CNTNAP2: variants seen among roughly 807,000 people sequenced by gnomAD.
CNTNAP2 encodes contactin-associated protein-like 2.
In CNTNAP2, 98 loss-of-function variants were observed where a neutral mutation model predicts 155.2. That is an observed-to-expected ratio of 0.63 (90% CI 0.54 to 0.75). The LOEUF (loss-of-function observed/expected upper bound fraction) is 0.75, where lower values mean the gene tolerates loss of function less well. Among genes scored for constraint, CNTNAP2 ranks in the 30% least tolerant of loss-of-function variants. The pLI is 0.00. For missense variants in CNTNAP2, 1,727 were observed against 1,688.1 expected (o/e 1.02, Z -0.40); for synonymous variants, 651 against 631.2 (o/e 1.03, Z -0.47).
At chr7:146,652,072 C>T (rs1304330965) in intron 1 of CNTNAP2, among the ~76,000 whole-genome samples, 1 of 151,904 alleles carries the variant, frequency 6.6e-6, no homozygotes, top group Admixed American at 6.6e-5. Context: ...ATAAATTGAA[C>T]AACAATGCAA....
intron 1 of CNTNAP2, among the ~76,000 whole-genome samples, chr7:146,745,275 G>T (rs780739126): frequency 6.6e-6 from 1 of 152,060 alleles, no homozygotes; most frequent in African/African-American, 2.4e-5. Flanking sequence ...ATTGTGCTAG[G>T]TATTGCTCCT....
At chr7:147,320,507 T>C (rs940924841) in intron 9 of CNTNAP2, among the ~76,000 whole-genome samples, 6 of 152,222 alleles carry the variant, frequency 3.9e-5, no homozygotes, top group Admixed American at 3.9e-4. Flanking sequence ...TTATGTTCCT[T>C]CAAGTGAGAC....
At chr7:147,091,090 T>C (rs1800393974) in intron 4 of CNTNAP2, among the ~76,000 whole-genome samples, 1 of 152,044 alleles carries the variant, frequency 6.6e-6, no homozygotes, top group South Asian at 2.1e-4. Context: ...CCAAGAAGTA[T>C]GTAGTTGAAT....
At chr7:146,901,455 A>G (rs1219862385) in intron 3 of CNTNAP2, among the ~76,000 whole-genome samples, 2 of 152,236 alleles carry the variant, frequency 1.3e-5, no homozygotes, top group Admixed American at 6.5e-5. Context: ...AAAGAATTAA[A>G]GAGCATTACA....
chr7:146,620,090 G>T (rs888715336), intron 1 of CNTNAP2, among the ~76,000 whole-genome samples: 5 of 152,182 alleles, frequency 3.3e-5, no homozygotes, highest in East Asian at 1.9e-4. Flanking sequence ...TAACAGTTCT[G>T]TTCACTGGGA....
At chr7:148,191,853 C>T (rs1585178494) in intron 18 of CNTNAP2, among the ~76,000 whole-genome samples, 3 of 152,286 alleles carry the variant, frequency 2.0e-5, no homozygotes, top group Admixed American at 6.5e-5. Flanking sequence ...AAATATAAAA[C>T]AGTTTACTTC....
chr7:148,375,874 G>A lies in CNTNAP2; in HGVS notation c.3476-7775G>A, dbSNP rs1415365994. Among the ~76,000 whole-genome samples the A allele has an allele frequency of 1.6e-4, 5 of 31,300 alleles. 1 individual carries two copies. Among genetic ancestry groups the A allele is most frequent in the African/African-American group, 3.4e-4 (5 of 14,784 alleles). The allele number at this position is 31,300 out of a possible 152,430, so 20.5% of individuals were successfully genotyped here. ...AAATTAGCCAGACATGGTGGCGGGC[G>A]CCTGTAATCTCAGCTATTCGGGAGG... is the stretch of plus-strand genomic sequence containing the variant. On this transcript the variant is annotated intron_variant, in intron 21 of 23. Coordinates refer to ENST00000361727, the MANE Select transcript of CNTNAP2 (RefSeq NM_014141.6).
intron 8 of CNTNAP2, among the ~76,000 whole-genome samples, chr7:147,136,422 T>G (rs1381875498): frequency 6.6e-6 from 1 of 151,986 alleles, no homozygotes; most frequent in African/African-American, 2.4e-5. Flanking sequence ...GATTTTCTCA[T>G]TTGTATTTTC....
intron 1 of CNTNAP2, among the ~76,000 whole-genome samples, chr7:146,138,351 A>G (rs1439311173): frequency 6.6e-6 from 1 of 152,078 alleles, no homozygotes; most frequent in Non-Finnish European, 1.5e-5. Context: ...TTATCTCAAG[A>G]TTTTTTTAAT....
intron 21 of CNTNAP2, among the ~76,000 whole-genome samples, chr7:148,359,250 T>C (rs897586957): frequency 6.6e-6 from 1 of 152,192 alleles, no homozygotes; most frequent in Non-Finnish European, 1.5e-5. Context: ...GTTCCCACAA[T>C]AACAAAGTTG....
At chr7:146,913,136 G>T (rs754024640) in intron 3 of CNTNAP2, among the ~76,000 whole-genome samples, 1 of 152,156 alleles carries the variant, frequency 6.6e-6, no homozygotes, top group South Asian at 2.1e-4. Context: ...AACCTCGAAA[G>T]TTAATTATGC....
At chr7:147,510,725 C>T (rs866055757) in intron 11 of CNTNAP2, among the ~76,000 whole-genome samples, 7 of 150,966 alleles carry the variant, frequency 4.6e-5, no homozygotes, top group African/African-American at 1.7e-4. Flanking sequence ...AACTAGTATG[C>T]ACTTTACAAA....
intron 12 of CNTNAP2, among the ~76,000 whole-genome samples, chr7:147,627,995 C>T (rs1274208526): frequency 8.6e-5 from 13 of 150,864 alleles, no homozygotes; most frequent in Admixed American, 8.6e-4. Flanking sequence ...TGTTAAATGG[C>T]AAACCTAAGT....
chr7:147,020,958 T>C (rs1191553116), intron 3 of CNTNAP2, among the ~76,000 whole-genome samples: 1 of 152,186 alleles, frequency 6.6e-6, no homozygotes, highest in African/African-American at 2.4e-5. Context: ...CATTTTTCAG[T>C]ATTTTGTGAT....
At chr7:148,172,030 G>T (rs932337701) in intron 17 of CNTNAP2, among the ~76,000 whole-genome samples, 9 of 152,210 alleles carry the variant, frequency 5.9e-5, no homozygotes, top group Admixed American at 2.6e-4. Flanking sequence ...TAGGAAACGT[G>T]TTGCTTCTCA....
At chr7:146,965,390 A>T (rs1359956535) in intron 3 of CNTNAP2, among the ~76,000 whole-genome samples, 2 of 119,264 alleles carry the variant, frequency 1.7e-5, no homozygotes, top group African/African-American at 6.6e-5. Context: ...TGGACAAATT[A>T]GCAGAGTCAG....
chr7:146,864,277 C>T (rs1795160173), intron 3 of CNTNAP2, among the ~76,000 whole-genome samples: 2 of 151,546 alleles, frequency 1.3e-5, no homozygotes, highest in African/African-American at 4.8e-5. Context: ...GGTATTTATC[C>T]CAGGAAAGTA....
At chr7:148,365,799 C>T (rs201954382) in intron 21 of CNTNAP2, among the ~76,000 whole-genome samples, 37,137 of 37,540 alleles carry the variant, frequency 0.99, 18,438 homozygotes, top group Middle Eastern at 1. Context: ...TGTATACATG[C>T]ATGTGTATGC....
intron 9 of CNTNAP2, among the ~76,000 whole-genome samples, chr7:147,350,769 A>G (rs1418522293): frequency 6.6e-6 from 1 of 151,852 alleles, no homozygotes; most frequent in Non-Finnish European, 1.5e-5. Flanking sequence ...TAAAAACCAG[A>G]CTTTACACCC....
Sources: allele counts gnomAD v4.1 joint callset (sites outside exome capture counted in the v4.1 genomes callset), GRCh38; gene constraint gnomAD v4.1.1; transcripts MANE v1.5; gene names NCBI Gene and HGNC (gene_info 2026-07-23, HGNC 2026-07-21).